PPP2R2C: variants seen among roughly 807,000 people sequenced by gnomAD.
The protein encoded by PPP2R2C is protein phosphatase 2 regulatory subunit Bgamma, also known as protein phosphatase 2, regulatory subunit B, gamma.
A neutral mutation model predicts 45.3 loss-of-function variants in PPP2R2C; 10 were observed. That is an observed-to-expected ratio of 0.22 (90% CI 0.14 to 0.37). PPP2R2C has a LOEUF of 0.37. Among genes scored for constraint, PPP2R2C ranks in the 10% least tolerant of loss-of-function variants. The pLI, the probability that PPP2R2C is intolerant of heterozygous loss-of-function variation, is 1.00. For synonymous variants in PPP2R2C, 257 were observed against 245.4 expected (o/e 1.05, Z -0.44); for missense variants, 308 against 619.7 (o/e 0.50, Z 5.34).
At chr4:6,446,772 G>C (rs1451167183) in intron 1 of PPP2R2C, among the ~76,000 whole-genome samples, 1 of 152,100 alleles carries the variant, frequency 6.6e-6, no homozygotes, top group Non-Finnish European at 1.5e-5. Flanking sequence ...TCACCAAGCA[G>C]GCATGGCAGG....
At position 6,378,632 on chromosome 4, in the gene PPP2R2C, C is replaced by T. The variant is rs544763612; in HGVS notation, c.169-60G>A. On this transcript the variant is annotated intron_variant, in intron 2 of 8. Coordinates refer to ENST00000382599, the MANE Select transcript of PPP2R2C (RefSeq NM_020416.4). The surrounding 1 kb of genome is among the most constrained non-coding windows in gnomAD (Gnocchi z 5.2). The stretch of plus-strand genomic sequence containing the variant: ...GTGACCTGCAGGGCGACGGCTAGGA[C>T]CTCCGGGGACCCAGCAGGGCCGGCC... The T allele has an allele frequency of 3.8e-5, 58 of 1,545,502 alleles. No homozygotes were observed. The highest frequency in any genetic ancestry group is 5.1e-5 in the Non-Finnish European group (58 of 1,141,186).
intron 1 of PPP2R2C, among the ~76,000 whole-genome samples, chr4:6,454,138 G>A (rs1577195235): frequency 6.6e-6 from 1 of 152,166 alleles, no homozygotes; most frequent in African/African-American, 2.4e-5. Context: ...TCAGGAGCGG[G>A]GCAGTGGCTC....
At chr4:6,547,569 C>G (rs1489578464) in intron 1 of PPP2R2C, among the ~76,000 whole-genome samples, 1 of 152,076 alleles carries the variant, frequency 6.6e-6, no homozygotes, top group Non-Finnish European at 1.5e-5. Flanking sequence ...CTAATAAACG[C>G]TCTGCGGATT....
chr4:6,520,770 CG>C (rs1305514227), intron 2 of PPP2R2C, among the ~76,000 whole-genome samples: 4 of 152,330 alleles, frequency 2.6e-5, no homozygotes, highest in South Asian at 2.1e-4. Context: ...AGGCCCACCA[CG>C]TGCCCAGGTA....
intron 1 of PPP2R2C, among the ~76,000 whole-genome samples, chr4:6,543,636 C>T (rs773871085): frequency 6.6e-5 from 10 of 152,294 alleles, no homozygotes; most frequent in Middle Eastern, 3.4e-3. Context: ...CCCTGAGAAC[C>T]ATGCTTAACC....
chr4:6,325,408 TC>T (rs1731862403), intron 8 of PPP2R2C, among the ~76,000 whole-genome samples: 1 of 151,698 alleles, frequency 6.6e-6, no homozygotes, highest in Non-Finnish European at 1.5e-5. Context: ...GGTGAACGAG[TC>T]CCACAGAAGG....
chr4:6,372,489 T>G, intron 5 of PPP2R2C, 34 bp downstream of exon 5: 1 of 1,539,518 alleles, frequency 6.5e-7, no homozygotes, highest in Non-Finnish European at 8.8e-7. Flanking sequence ...ACTCTGCCCG[T>G]GGGAGGCACT....
At chr4:6,424,577 G>T (rs1030253970) in intron 1 of PPP2R2C, among the ~76,000 whole-genome samples, 1 of 152,192 alleles carries the variant, frequency 6.6e-6, no homozygotes, top group South Asian at 2.1e-4. Context: ...GCCAGACCTC[G>T]CCAGGCAGTG....
chr4:6,486,650 G>C (rs571694541), intron 2 of PPP2R2C, among the ~76,000 whole-genome samples: 2 of 152,088 alleles, frequency 1.3e-5, no homozygotes, highest in African/African-American at 4.8e-5. Context: ...TCTACTTTGA[G>C]ATTAATATAG....
chr4:6,469,681 C>A (rs1721765083), intron 1 of PPP2R2C, among the ~76,000 whole-genome samples: 1 of 152,180 alleles, frequency 6.6e-6, no homozygotes, highest in African/African-American at 2.4e-5. Flanking sequence ...TCCAAGGCTG[C>A]ACAGCAGTCA....
intron 1 of PPP2R2C, among the ~76,000 whole-genome samples, chr4:6,417,087 G>A (rs1460457663): frequency 6.6e-6 from 1 of 152,248 alleles, no homozygotes; most frequent in Non-Finnish European, 1.5e-5. Context: ...TGCAGCACCG[G>A]CAGCTGGGCA....
At chr4:6,483,539 T>C (rs922053676) in intron 2 of PPP2R2C, among the ~76,000 whole-genome samples, 12 of 152,142 alleles carry the variant, frequency 7.9e-5, no homozygotes, top group African/African-American at 2.7e-4. Flanking sequence ...ATGATGTTGC[T>C]CATCTTTTCG....
In PPP2R2C at chr4:6,484,219, G is replaced by T. The variant is rs182798743; in HGVS notation, c.49+51052C>A. ...TTTCTACACATATACAATTGTTTTA[G>T]CACCCATTATCTAAATATTCTCCAC... On this transcript the variant is annotated intron_variant, in intron 2 of 9. Transcript: ENST00000506140. 2.3e-3 allele frequency among the ~76,000 whole-genome samples: 354 copies of T among 151,918 alleles called. No individual in the cohort carries two copies. In the Middle Eastern group the frequency reaches 0.024, roughly 10 times the overall value.
intron 5 of PPP2R2C, among the ~76,000 whole-genome samples, chr4:6,354,213 G>A (rs748592546): frequency 5.3e-5 from 8 of 151,582 alleles, no homozygotes; most frequent in African/African-American, 7.3e-5. Context: ...ACCACCCTGC[G>A]TGTTGGCCTC....
chr4:6,559,276 G>A (rs1160322602), intron 1 of PPP2R2C, among the ~76,000 whole-genome samples: 2 of 152,074 alleles, frequency 1.3e-5, no homozygotes, highest in African/African-American at 4.8e-5. Context: ...CAGTGGGCAC[G>A]TCCACACCCT....
intron 2 of PPP2R2C, among the ~76,000 whole-genome samples, chr4:6,498,763 G>A (rs992126781): frequency 1.3e-5 from 2 of 152,106 alleles, no homozygotes; most frequent in Non-Finnish European, 1.5e-5. Context: ...CCTGCACGGG[G>A]ACATGAGTGA....
chr4:6,405,418 A>G (rs1409757298), intron 1 of PPP2R2C, among the ~76,000 whole-genome samples: 1 of 152,248 alleles, frequency 6.6e-6, no homozygotes, highest in Non-Finnish European at 1.5e-5. Flanking sequence ...ATAAGTGCTG[A>G]ACAAATGAAT....
intron 1 of PPP2R2C, among the ~76,000 whole-genome samples, chr4:6,401,444 AT>A (rs1276853993): frequency 2.0e-5 from 3 of 152,164 alleles, no homozygotes; most frequent in African/African-American, 7.2e-5. Context: ...CGATGGCAAC[AT>A]CCGAGATGCT....
At chr4:6,325,155 C>A (rs1237295018) in intron 8 of PPP2R2C, among the ~76,000 whole-genome samples, 2 of 152,168 alleles carry the variant, frequency 1.3e-5, no homozygotes, top group East Asian at 1.9e-4. Flanking sequence ...TCTGCCCTAC[C>A]CTGACATGCG....
Sources: allele counts gnomAD v4.1 joint callset (sites outside exome capture counted in the v4.1 genomes callset), GRCh38; gene constraint gnomAD v4.1.1; non-coding constraint Gnocchi (gnomAD v3.1); transcripts MANE v1.5; gene names NCBI Gene and HGNC (gene_info 2026-07-23, HGNC 2026-07-21).